SARDH: variants seen among roughly 807,000 people sequenced by gnomAD.
SARDH encodes the protein sarcosine dehydrogenase, also known as sarcosine dehydrogenase, mitochondrial.
In SARDH, 95 loss-of-function variants were observed where a neutral mutation model predicts 109.1. The ratio of observed to expected loss-of-function variants is 0.87; its 90% CI spans 0.74 to 1.03. The LOEUF (loss-of-function observed/expected upper bound fraction) is 1.03, where lower values mean the gene tolerates loss of function less well. Among genes scored for constraint, SARDH ranks in the 50% least tolerant of loss-of-function variants. SARDH has a pLI of 0.00. For missense variants in SARDH, 1,267 were observed against 1,287.8 expected, an observed-to-expected ratio of 0.98 and a Z score of 0.25; for synonymous variants, 572 against 534.8, an observed-to-expected ratio of 1.07 and a Z score of -0.96.
At chr9:133,667,573 A>C (rs1830119505) in intron 19 of SARDH, among the ~76,000 whole-genome samples, 1 of 144,046 alleles carries the variant, frequency 6.9e-6, no homozygotes, top group Non-Finnish European at 1.5e-5. Flanking sequence ...GCAGGAAGAC[A>C]AAAAAAAAAA....
At chr9:133,687,445 AT>A (rs1166390471) in intron 16 of SARDH, among the ~76,000 whole-genome samples, 2 of 151,888 alleles carry the variant, frequency 1.3e-5, no homozygotes, top group Non-Finnish European at 2.9e-5. Flanking sequence ...TAATTGAAAA[AT>A]TTTTTTGTTG....
intron 17 of SARDH, 55 bp downstream of exon 17, chr9:133,685,138 C>T (rs45469492): frequency 6.6e-7 from 1 of 1,505,882 alleles, no homozygotes. Flanking sequence ...CCCGGCGCAC[C>T]CCTCACACCA....
rs1418236234 is a variant in SARDH, at chr9:133,666,428, T to G, written c.2631+307A>C. ...AAAGAAAACAGAGAGCAGCTTTGGC[T>G]CTGCCCAGGCACAGCTGGGGAGTCC... On this transcript the variant is annotated intron_variant, in intron 20 of 20. Transcript: ENST00000439388. This position sits in a 1 kb window ranked among gnomAD's most constrained non-coding sequence, Gnocchi z 5.2. Among the ~76,000 whole-genome samples, 7 of 152,142 alleles carry G rather than the reference T, an allele frequency of 4.6e-5. No individual in the cohort carries two copies. The highest frequency in any genetic ancestry group is 1.5e-5 in the Non-Finnish European group (1 of 68,016).
rs1337589474 is a variant in SARDH at position 133,663,719 on chromosome 9, C to A, written c.*170G>T. The A allele has an allele frequency of 2.3e-6, 2 of 880,114 alleles. No homozygotes were observed. Among genetic ancestry groups the A allele is most frequent in the African/African-American group, 3.4e-5 (2 of 59,390 alleles). The allele number at this position is 880,114 out of a possible 1,614,324, so 54.5% of individuals were successfully genotyped here. Reference sequence around the variant, plus strand: ...TTCCAGTCAGTGACCACAGGATGGGCCATCTTGGTCTCTGTCCGTATCTGG... The same window carrying A: ...TTCCAGTCAGTGACCACAGGATGGGACATCTTGGTCTCTGTCCGTATCTGG... On this transcript the variant is annotated 3_prime_UTR_variant, in exon 21 of 21. Coordinates refer to ENST00000439388, the MANE Select transcript of SARDH (RefSeq NM_001134707.2).
In SARDH at chr9:133,670,631, C is replaced by T. The variant is rs1830310852; in HGVS notation, c.2448G>A (p.Gln816=). 2 of 1,582,986 alleles carry T rather than the reference C, an allele frequency of 1.3e-6. No individual in the cohort carries two copies. Among genetic ancestry groups the T allele is most frequent in the Non-Finnish European group, 1.7e-6 (2 of 1,165,138 alleles). ...PFLGREALEQ[Q]RAAGLRRRLV... ...GGCGCCGGCGGAGGCCTGCGGCCCG[C>T]TGCTGCTCCAGGGCCTCCCTCCCCA... Residue 816 remains glutamine, a synonymous_variant, in exon 19 of 21, where the codon CAG becomes CAA. Coordinates refer to ENST00000439388, the MANE Select transcript of SARDH (RefSeq NM_001134707.2).
intron 18 of SARDH, 108 bp downstream of exon 18, chr9:133,671,427 G>T: frequency 7.4e-7 from 1 of 1,344,722 alleles, no homozygotes; most frequent in Non-Finnish European, 9.9e-7. Context: ...AGGAAGCCGG[G>T]TGACAACACA....
intron 13 of SARDH, among the ~76,000 whole-genome samples, chr9:133,701,807 T>C (rs1225696574): frequency 6.6e-6 from 1 of 152,184 alleles, no homozygotes; most frequent in Non-Finnish European, 1.5e-5. Flanking sequence ...TAGAGCAAGC[T>C]TTCGGGGAGA....
At chr9:133,696,397 G>A (rs771554116) in intron 13 of SARDH, 36 bp from the exon 14 acceptor site, 2 of 1,613,330 alleles carry the variant, frequency 1.2e-6, no homozygotes, top group Non-Finnish European at 1.7e-6. Flanking sequence ...TGCCACGGGG[G>A]CCTTTGGGGT....
At chr9:133,696,430 G>C in intron 13 of SARDH, 69 bp from the exon 14 acceptor site, 2 of 1,603,328 alleles carry the variant, frequency 1.2e-6, no homozygotes, top group Non-Finnish European at 1.7e-6. Flanking sequence ...CAAGAACGTG[G>C]AGAACGGGGG....
Position 133,709,231 on chromosome 9 carries a change from C to G in SARDH, c.1329-803G>C, listed in dbSNP as rs975810558. On this transcript the variant is annotated intron_variant, in intron 10 of 20. Transcript: ENST00000439388. This position sits in a 1 kb window ranked among gnomAD's most constrained non-coding sequence, Gnocchi z 4.2. Reference sequence around the variant, plus strand: ...GGGCCCCATGCTATTTCTCATGGAGCTACGGAGCTCTGTGGCTGCACCTGC... The same window carrying G: ...GGGCCCCATGCTATTTCTCATGGAGGTACGGAGCTCTGTGGCTGCACCTGC... 1.3e-5 allele frequency among the ~76,000 whole-genome samples: 2 copies of G among 152,218 alleles called. No individual in the cohort carries two copies. The highest frequency in any genetic ancestry group is 4.8e-5 in the African/African-American group (2 of 41,470).
chr9:133,696,382 G>A (rs1207709320), intron 13 of SARDH, 21 bp from the exon 14 acceptor site: 3 of 1,613,824 alleles, frequency 1.9e-6, no homozygotes, highest in African/African-American at 2.7e-5. Flanking sequence ...CCAGACAGGT[G>A]GGAATGCCAC....
At chr9:133,731,178 C>T in intron 4 of SARDH, 127 bp downstream of exon 4, 1 of 1,259,102 alleles carries the variant, frequency 7.9e-7, no homozygotes. Flanking sequence ...CAGAGAGGTC[C>T]TCACTGGCCC....
intron 4 of SARDH, among the ~76,000 whole-genome samples, chr9:133,730,578 C>G (rs10821521): frequency 0.21 from 31,075 of 149,728 alleles, 3,423 homozygotes; most frequent in Middle Eastern, 0.27. Flanking sequence ...ATTTTGCATA[C>G]ATATATATTT....
intron 6 of SARDH, among the ~76,000 whole-genome samples, chr9:133,723,451 GA>G (rs1832390934): frequency 6.6e-6 from 1 of 152,204 alleles, no homozygotes; most frequent in African/African-American, 2.4e-5. Context: ...CAATGGATTA[GA>G]ATTGAGAGTC....
chr9:133,731,186 C>T lies in SARDH; in HGVS notation c.690+119G>A, dbSNP rs539448412. ...GAAGGCTCAGAGAGGTCCTCACTGG[C>T]CCAAAGTCACACAGCAGTCAGAGAA... On this transcript the variant is annotated intron_variant, in intron 4 of 20. Transcript: ENST00000439388. 6 of 1,351,390 alleles carry T rather than the reference C, an allele frequency of 4.4e-6. 1 individual carries two copies. Among genetic ancestry groups the T allele is most frequent in the Non-Finnish European group, 6.0e-6 (6 of 993,038 alleles). The allele number at this position is 1,351,390 out of a possible 1,614,324, so 83.7% of individuals were successfully genotyped here.
At chr9:133,674,800 G>A (rs1319035359) in intron 17 of SARDH, among the ~76,000 whole-genome samples, 1 of 152,200 alleles carries the variant, frequency 6.6e-6, no homozygotes, top group African/African-American at 2.4e-5. Context: ...AAGAAGGCAT[G>A]GGGAGTTGGA....
intron 10 of SARDH, among the ~76,000 whole-genome samples, chr9:133,710,159 C>G (rs1365618068): frequency 6.6e-6 from 1 of 152,262 alleles, no homozygotes. Context: ...CACTCTGGCT[C>G]TGCCTCTGTT....
chr9:133,659,715 CGTT>C (rs1414679429), downstream of SARDH, among the ~76,000 whole-genome samples: 5 of 152,168 alleles, frequency 3.3e-5, no homozygotes, highest in South Asian at 2.1e-4. Flanking sequence ...CTCTGCCTCA[CGTT>C]GTATAAATCA....
rs2131515953 is a variant in SARDH at position 133,734,207 on chromosome 9, G to C, written c.-30-4C>G. On this transcript the variant is annotated splice_polypyrimidine_tract_variant and splice_region_variant and intron_variant, in intron 1 of 20. Transcript: ENST00000439388. ...CAGGCCTCAGCGAAACAGGGAGCTG[G>C]GGAGAGAATCAGAGCTGGGTGGGGT... is the stretch of plus-strand genomic sequence containing the variant. 1 of 1,501,690 alleles carries C rather than the reference G, an allele frequency of 6.7e-7. No individual in the cohort carries two copies. The highest frequency in any genetic ancestry group is 1.4e-5 in the African/African-American group (1 of 72,622). The allele number at this position is 1,501,690 out of a possible 1,614,324, so 93.0% of individuals were successfully genotyped here.
Sources: allele counts gnomAD v4.1 joint callset (sites outside exome capture counted in the v4.1 genomes callset), GRCh38; gene constraint gnomAD v4.1.1; non-coding constraint Gnocchi (gnomAD v3.1); transcripts MANE v1.5; gene names NCBI Gene and HGNC (gene_info 2026-07-23, HGNC 2026-07-21).